The following AGTPBP1 variants were observed in gnomAD, a reference collection of about 807,000 sequenced individuals.
AGTPBP1 encodes ATP/GTP binding carboxypeptidase 1, also known as cytosolic carboxypeptidase 1.
AGTPBP1 carries 70 observed loss-of-function variants against 143.9 expected under a neutral mutation model. The ratio of observed to expected loss-of-function variants is 0.49; its 90% CI spans 0.40 to 0.59. AGTPBP1 has a LOEUF of 0.59. Among genes scored for constraint, AGTPBP1 ranks in the 20% least tolerant of loss-of-function variants. The probability of loss-of-function intolerance (pLI) is 0.00; values close to 1 mark genes in which losing one functional copy is unlikely to be tolerated. For missense variants in AGTPBP1, 1,229 were observed against 1,464.5 expected (o/e 0.84, Z 2.62); for synonymous variants, 463 against 500.2 (o/e 0.93, Z 0.99).
At chr9:85,638,278 T>C (rs566454668) in intron 13 of AGTPBP1, among the ~76,000 whole-genome samples, 2 of 152,226 alleles carry the variant, frequency 1.3e-5, no homozygotes, top group African/African-American at 4.8e-5. Flanking sequence ...CTAGAATTTT[T>C]GCGTATTTGT....
chr9:85,596,615 A>G (rs1829317153), intron 17 of AGTPBP1, among the ~76,000 whole-genome samples, 166 bp from the exon 18 acceptor site: 1 of 152,200 alleles, frequency 6.6e-6, no homozygotes, highest in Non-Finnish European at 1.5e-5. Flanking sequence ...TAAACATCCC[A>G]AGTCAATCAA....
intron 14 of AGTPBP1, among the ~76,000 whole-genome samples, chr9:85,625,824 G>A (rs978856233): frequency 2.0e-5 from 3 of 150,508 alleles, no homozygotes; most frequent in African/African-American, 7.3e-5. Context: ...GGCAGAGGTT[G>A]CAGTGAGCCA....
At chr9:85,646,979 T>A (rs1832852265) in intron 11 of AGTPBP1, among the ~76,000 whole-genome samples, 1 of 152,148 alleles carries the variant, frequency 6.6e-6, no homozygotes, top group African/African-American at 2.4e-5. Context: ...CTCATATTGT[T>A]TTAAGAAAAT....
At chr9:85,786,025 T>C in the AGTPBP1 span, 1 of 1,078,658 alleles carries the variant, frequency 9.3e-7, no homozygotes, top group Non-Finnish European at 1.4e-6. Flanking sequence ...AATGTATTTA[T>C]GTTAAGATGT....
the AGTPBP1 span, among the ~76,000 whole-genome samples, chr9:85,802,799 T>C: frequency 6.6e-6 from 1 of 152,186 alleles, no homozygotes; most frequent in Non-Finnish European, 1.5e-5. Context: ...ATCTGCATAA[T>C]TGAATCAGAG....
the AGTPBP1 span, among the ~76,000 whole-genome samples, chr9:85,777,945 G>A: frequency 2.0e-5 from 3 of 152,202 alleles, no homozygotes; most frequent in South Asian, 4.1e-4. Flanking sequence ...TGCCGCAGCT[G>A]TCCACTTTCA....
At chr9:85,600,940 C>T (rs1182523464) in intron 17 of AGTPBP1, among the ~76,000 whole-genome samples, 1 of 152,140 alleles carries the variant, frequency 6.6e-6, no homozygotes, top group East Asian at 1.9e-4. Flanking sequence ...CATGCATTTG[C>T]ACGTGCCCAG....
At position 85,631,584 on chromosome 9, in the gene AGTPBP1, G is replaced by A. The variant is rs187184527; in HGVS notation, c.2015+1078C>T. 7.2e-5 allele frequency among the ~76,000 whole-genome samples: 11 copies of A among 152,268 alleles called. No individual in the cohort carries two copies. The East Asian group carries it at 2.1e-3, about 29-fold the overall frequency. ...ACGGGATGACACGTCTGTGGATCAA[G>A]GGGCCAACCAGTGGCACTAAACATA... is the stretch of plus-strand genomic sequence containing the variant. On this transcript the variant is annotated intron_variant, in intron 14 of 25. Coordinates refer to ENST00000357081, the MANE Select transcript of AGTPBP1 (RefSeq NM_001330701.2).
chr9:85,765,450 ATAGTTACAGTTTTTTTAAAACTATAGTTT>A, the AGTPBP1 span, among the ~76,000 whole-genome samples: 13 of 152,196 alleles, frequency 8.5e-5, no homozygotes, highest in South Asian at 8.3e-4. Flanking sequence ...CCTTTTAGTT[ATAGTTACAGTTTTTTTAAAACTATAGTTT>A]TAGTTACAGT....
At chr9:85,589,144 G>A (rs1828795926) in intron 20 of AGTPBP1, among the ~76,000 whole-genome samples, 1 of 152,098 alleles carries the variant, frequency 6.6e-6, no homozygotes, top group South Asian at 2.1e-4. Flanking sequence ...ACTATTCTGT[G>A]CTAGCTACCA....
chr9:85,573,632 C>T (rs907084991), intron 25 of AGTPBP1, among the ~76,000 whole-genome samples: 2 of 151,168 alleles, frequency 1.3e-5, no homozygotes, highest in African/African-American at 4.9e-5. Context: ...CGTCTCTGCC[C>T]GCCCGCCATC....
intron 25 of AGTPBP1, among the ~76,000 whole-genome samples, chr9:85,566,153 AG>A (rs1302469196): frequency 6.6e-6 from 1 of 152,224 alleles, no homozygotes. Flanking sequence ...TCTGCACTAA[AG>A]GGCACAGATA....
upstream of AGTPBP1, among the ~76,000 whole-genome samples, chr9:85,742,715 AT>A (rs1824445375): frequency 6.6e-6 from 1 of 152,216 alleles, no homozygotes; most frequent in South Asian, 2.1e-4. Context: ...AGCCAAAGTA[AT>A]GTGTCAGAGA....
At position 85,629,679 on chromosome 9, in the gene AGTPBP1, C is replaced by T. The variant is rs555463663; in HGVS notation, c.2015+2983G>A. 1.8e-4 allele frequency among the ~76,000 whole-genome samples: 27 copies of T among 152,272 alleles called. 1 individual carries two copies. In the South Asian group the frequency reaches 5.6e-3, roughly 32 times the overall value. On this transcript the variant is annotated intron_variant, in intron 14 of 25. Transcript: ENST00000357081. ...TGCATTTAACTATAATACATCTACG[C>T]TTAATTAAAACATTAAGTTTCTTTA...
At chr9:85,659,536 T>C (rs1305316443) in intron 9 of AGTPBP1, among the ~76,000 whole-genome samples, 4 of 152,092 alleles carry the variant, frequency 2.6e-5, no homozygotes, top group African/African-American at 7.2e-5. Flanking sequence ...TAAACATGTA[T>C]GTTTGCCCAC....
chr9:85,759,127 C>T, the AGTPBP1 span, among the ~76,000 whole-genome samples: 1 of 152,140 alleles, frequency 6.6e-6, no homozygotes, highest in African/African-American at 2.4e-5. Flanking sequence ...AAAGCAAGTC[C>T]TTAGAGACCT....
chr9:85,638,068 C>T (rs1037664735), intron 13 of AGTPBP1, among the ~76,000 whole-genome samples: 6 of 151,842 alleles, frequency 4.0e-5, no homozygotes, highest in Non-Finnish European at 8.8e-5. Flanking sequence ...TATCTTAACT[C>T]TAGTTTTTAG....
chr9:85,741,564 G>T (rs1240877881), intron 1 of AGTPBP1: 2 of 985,416 alleles, frequency 2.0e-6, no homozygotes, highest in Non-Finnish European at 2.4e-6. Context: ...CCCAGTCAAA[G>T]CCCCACCCCG....
chr9:85,597,102 A>G (rs1270041997), intron 17 of AGTPBP1, among the ~76,000 whole-genome samples: 1 of 152,138 alleles, frequency 6.6e-6, no homozygotes, highest in Non-Finnish European at 1.5e-5. Flanking sequence ...GACTTGCCTT[A>G]AATTCTAACT....
Sources: gnomAD v4.1 joint callset for allele counts (sites outside exome capture counted in the v4.1 genomes callset) on GRCh38, gnomAD v4.1.1 for gene constraint, MANE v1.5 for transcripts, NCBI Gene and HGNC (gene_info 2026-07-23, HGNC 2026-07-21) for gene names.